The following CADM2 variants were observed in gnomAD, a reference collection of about 807,000 sequenced individuals.
CADM2 encodes immunoglobulin superfamily member 4D.
CADM2 carries 12 observed loss-of-function variants against 49.8 expected under a neutral mutation model. That is an observed-to-expected ratio of 0.24 (90% confidence interval 0.15 to 0.39). CADM2 has a LOEUF of 0.39. Among genes scored for constraint, CADM2 ranks in the 10% least tolerant of loss-of-function variants. The pLI, the probability that CADM2 is intolerant of heterozygous loss-of-function variation, is 1.00. For synonymous variants in CADM2, 214 were observed against 175.4 expected, an observed-to-expected ratio of 1.22 and a Z score of -1.74; for missense variants, 378 against 492.3, an observed-to-expected ratio of 0.77 and a Z score of 2.20.
chr3:85,082,696 G>T (rs1224712435), intron 1 of CADM2, among the ~76,000 whole-genome samples: 1 of 152,104 alleles, frequency 6.6e-6, no homozygotes, highest in African/African-American at 2.4e-5. Context: ...CACACGGTTA[G>T]GGGTCTTATT....
At chr3:85,502,222 T>G (rs1040375292) in intron 1 of CADM2, among the ~76,000 whole-genome samples, 7 of 152,190 alleles carry the variant, frequency 4.6e-5, no homozygotes, top group Non-Finnish European at 1.0e-4. Flanking sequence ...TAGAAACCCC[T>G]TAATCCACCT....
chr3:86,058,437 T>C (rs886273033), intron 8 of CADM2, among the ~76,000 whole-genome samples: 1 of 152,138 alleles, frequency 6.6e-6, no homozygotes. Flanking sequence ...CTGACAATGC[T>C]GGGAAATAAG....
intron 1 of CADM2, among the ~76,000 whole-genome samples, chr3:85,652,310 T>C (rs145284327): frequency 1.0e-3 from 155 of 152,254 alleles, no homozygotes; most frequent in African/African-American, 3.5e-3. Context: ...TCTGCGTTAG[T>C]TGTCTTGCAT....
At chr3:85,608,635 A>G (rs1428188954) in intron 1 of CADM2, among the ~76,000 whole-genome samples, 2 of 152,188 alleles carry the variant, frequency 1.3e-5, no homozygotes. Flanking sequence ...AAGGTAATTC[A>G]GTTGTAAGTT....
chr3:85,434,633 G>C (rs1304318532), intron 1 of CADM2, among the ~76,000 whole-genome samples: 1 of 151,848 alleles, frequency 6.6e-6, no homozygotes, highest in Non-Finnish European at 1.5e-5. Context: ...AGTCTCTTTA[G>C]TCTGCTTTTA....
intron 1 of CADM2, among the ~76,000 whole-genome samples, chr3:85,454,284 T>A (rs1269260525): frequency 6.6e-6 from 1 of 151,946 alleles, no homozygotes; most frequent in Non-Finnish European, 1.5e-5. Context: ...TGAGCCGAGA[T>A]TACAACACTG....
chr3:85,447,621 C>T (rs2037530965), intron 1 of CADM2, among the ~76,000 whole-genome samples: 1 of 152,124 alleles, frequency 6.6e-6, no homozygotes, highest in Non-Finnish European at 1.5e-5. Flanking sequence ...ATTGCCTAAG[C>T]ATTTACATTT....
intron 2 of CADM2, among the ~76,000 whole-genome samples, chr3:85,789,490 A>G (rs914199422): frequency 1.3e-5 from 2 of 152,200 alleles, no homozygotes; most frequent in African/African-American, 4.8e-5. Flanking sequence ...GCCTTGAGAG[A>G]CATACAATTT....
chr3:85,130,568 T>C (rs145526124), intron 1 of CADM2, among the ~76,000 whole-genome samples: 23 of 152,332 alleles, frequency 1.5e-4, no homozygotes, highest in African/African-American at 5.1e-4. Context: ...GCATTACTTC[T>C]ACAGAGTTTT....
chr3:85,383,902 A>G (rs1480683134), intron 1 of CADM2, among the ~76,000 whole-genome samples: 1 of 152,118 alleles, frequency 6.6e-6, no homozygotes, highest in Non-Finnish European at 1.5e-5. Context: ...TCTTTGATGA[A>G]TAATTGAGTT....
chr3:86,064,552 T>A (rs541998019), intron 8 of CADM2, among the ~76,000 whole-genome samples: 2 of 152,152 alleles, frequency 1.3e-5, no homozygotes, highest in Admixed American at 1.3e-4. Context: ...ATGATTTATA[T>A]TCCTTTGGGT....
chr3:85,744,239 G>A (rs1197041912), intron 2 of CADM2, among the ~76,000 whole-genome samples: 1 of 152,042 alleles, frequency 6.6e-6, no homozygotes. Context: ...GATGGGACAA[G>A]GAATGACTAA....
intron 1 of CADM2, among the ~76,000 whole-genome samples, chr3:85,363,431 G>A (rs1004497155): frequency 2.6e-5 from 4 of 151,996 alleles, no homozygotes; most frequent in East Asian, 1.9e-4. Flanking sequence ...CTGTTGAGCT[G>A]AGCTAAAATT....
chr3:85,703,340 G>A (rs1577121263), intron 1 of CADM2, among the ~76,000 whole-genome samples: 1 of 152,042 alleles, frequency 6.6e-6, no homozygotes, highest in African/African-American at 2.4e-5. Flanking sequence ...ACTTCTTGAT[G>A]ATTAGTATTC....
chr3:85,592,129 A>T (rs186471683), intron 1 of CADM2, among the ~76,000 whole-genome samples: 86 of 152,132 alleles, frequency 5.7e-4, no homozygotes, highest in Non-Finnish European at 8.8e-4. Context: ...AATATGATTT[A>T]AAAAAGGATG....
intron 1 of CADM2, among the ~76,000 whole-genome samples, chr3:85,237,691 T>G (rs191797381): frequency 4.0e-4 from 61 of 151,848 alleles, no homozygotes; most frequent in Non-Finnish European, 7.5e-4. Context: ...ATGGTTACTC[T>G]AAAGATTGTG....
chr3:85,438,264 A>G (rs1441076463), intron 1 of CADM2, among the ~76,000 whole-genome samples: 1 of 152,066 alleles, frequency 6.6e-6, no homozygotes, highest in Non-Finnish European at 1.5e-5. Flanking sequence ...TTGGTTTCCA[A>G]TATTTCATTT....
At chr3:85,295,025 T>C (rs1259119120) in intron 1 of CADM2, among the ~76,000 whole-genome samples, 1 of 151,910 alleles carries the variant, frequency 6.6e-6, no homozygotes, top group Non-Finnish European at 1.5e-5. Context: ...GGGAGAAAAT[T>C]TTCACAACCT....
At chr3:85,145,119 T>A (rs2039698883) in intron 1 of CADM2, among the ~76,000 whole-genome samples, 1 of 152,234 alleles carries the variant, frequency 6.6e-6, no homozygotes, top group Non-Finnish European at 1.5e-5. Flanking sequence ...TGGAAATATT[T>A]GAGAGGCATT....
Sources: allele counts gnomAD v4.1 joint callset (sites outside exome capture counted in the v4.1 genomes callset), GRCh38; gene constraint gnomAD v4.1.1; transcripts MANE v1.5; gene names NCBI Gene and HGNC (gene_info 2026-07-23, HGNC 2026-07-21).